The following OPRL1 variants were observed in gnomAD, a reference collection of about 807,000 sequenced individuals.
OPRL1 encodes opioid related nociceptin receptor 1.
In OPRL1, 5 loss-of-function variants were observed where a neutral mutation model predicts 15.5. The ratio of observed to expected loss-of-function variants is 0.32; its 90% CI spans 0.17 to 0.68. The LOEUF (loss-of-function observed/expected upper bound fraction) is 0.68. Among genes scored for constraint, OPRL1 ranks in the 30% least tolerant of loss-of-function variants. The pLI, the probability that OPRL1 is intolerant of heterozygous loss-of-function variation, is 0.72. For synonymous variants in OPRL1, 223 were observed against 230.2 expected (o/e 0.97, Z 0.28); for missense variants, 406 against 515.3 (o/e 0.79, Z 2.05).
chr20:64,092,590 G>A (rs2145599848), intron 2 of OPRL1, 98 bp from the exon 3 acceptor site: 1 of 851,266 alleles, frequency 1.2e-6, no homozygotes, highest in African/African-American at 1.7e-5. Flanking sequence ...CCCAGCGTGG[G>A]GGTCCATGTG....
At chr20:64,082,052 C>G (rs1331630593) in intron 1 of OPRL1, among the ~76,000 whole-genome samples, 1 of 152,206 alleles carries the variant, frequency 6.6e-6, no homozygotes, top group Non-Finnish European at 1.5e-5. Flanking sequence ...AGTAGATGAA[C>G]TCATTCTAGG....
rs2060086291 is a variant in OPRL1, at chr20:64,088,736, G to GAGGCCAGGATCT, written c.-184-3230_-184-3229insAGGCCAGGATCT. The stretch of plus-strand genomic sequence containing the variant: ...CAGAGTGGCCAGGATCTGTGCAAGG[G>GAGGCCAGGATCT]GTAGGATCTGTGCAGAGTGGCCAGG... On this transcript the variant is annotated intron_variant, in intron 1 of 4. Coordinates refer to ENST00000336866, the MANE Select transcript of OPRL1 (RefSeq NM_182647.4). Among the ~76,000 whole-genome samples, 18 of 8,656 alleles carry GAGGCCAGGATCT rather than the reference G, an allele frequency of 2.1e-3. 2 individuals carry two copies. The highest frequency in any genetic ancestry group is 3.5e-3 in the South Asian group (1 of 284). The allele number at this position is 8,656 out of a possible 152,430, so 5.7% of individuals were successfully genotyped here.
At chr20:64,084,030 G>C (rs2060009106) in intron 1 of OPRL1, 1 of 1,503,864 alleles carries the variant, frequency 6.6e-7, no homozygotes, top group African/African-American at 1.4e-5. Context: ...TCGCCGAAGA[G>C]CAGATGGCGG....
Position 64,083,293 on chromosome 20 carries a change from G to A in OPRL1, c.-185+2941G>A. On this transcript the variant is annotated intron_variant, in intron 1 of 4. Coordinates refer to ENST00000336866, the MANE Select transcript of OPRL1 (RefSeq NM_182647.4). The surrounding 1 kb of genome is among the most constrained non-coding windows in gnomAD (Gnocchi z 4.9). ...CCCCACTCTCTGTACCCTGATGTCT[G>A]TGAGGTGCATGGGAGAGGCAGCGTC... The A allele has an allele frequency of 8.1e-7, 1 of 1,239,490 alleles. No individual in the cohort carries two copies. The highest frequency in any genetic ancestry group is 1.1e-6 in the Non-Finnish European group (1 of 880,846). 76.8% of individuals were successfully genotyped at this position (1,239,490 alleles called of 1,614,324 possible).
Position 64,083,177 on chromosome 20 carries a change from T to TG in OPRL1, c.-185+2831dup, listed in dbSNP as rs2059987504. ...GACCCACAGAACGCCAGGTTGCCAG[T>TG]GGGGGGCAGATCGGGATTAGGGGTA... On this transcript the variant is annotated intron_variant, in intron 1 of 4. Transcript: ENST00000336866. This position sits in a 1 kb window ranked among gnomAD's most constrained non-coding sequence, Gnocchi z 4.9. 6.6e-6 allele frequency among the ~76,000 whole-genome samples: 1 copy of TG among 152,144 alleles called. No homozygotes were observed. Among genetic ancestry groups the TG allele is most frequent in the East Asian group, 1.9e-4 (1 of 5,190 alleles).
rs774220798 is a variant in OPRL1 at position 64,083,922 on chromosome 20, G to A, written c.-185+3570G>A. 6.9e-7 allele frequency: 1 copy of A among 1,452,768 alleles called. No homozygotes were observed. Among genetic ancestry groups the A allele is most frequent in the South Asian group, 1.3e-5 (1 of 75,404 alleles). The allele number at this position is 1,452,768 out of a possible 1,614,324, so 90.0% of individuals were successfully genotyped here. ...TTCTGGCGCTCGGCGGGCAGCTCGA[G>A]CGACTGCGTCCACGGGCGCGGGTCG... On this transcript the variant is annotated intron_variant, in intron 1 of 4. Transcript: ENST00000336866. This position sits in a 1 kb window ranked among gnomAD's most constrained non-coding sequence, Gnocchi z 4.9.
chr20:64,082,575 C>G (rs4519591), intron 1 of OPRL1, among the ~76,000 whole-genome samples: 1 of 151,998 alleles, frequency 6.6e-6, no homozygotes, highest in Admixed American at 6.5e-5. Flanking sequence ...TGAGTTCCTG[C>G]GGTCCCGCTT....
chr20:64,085,302 AG>A (rs915957686), intron 1 of OPRL1, among the ~76,000 whole-genome samples: 3 of 152,136 alleles, frequency 2.0e-5, no homozygotes, highest in African/African-American at 7.2e-5. Flanking sequence ...TCTGATGGCC[AG>A]GGGGCTCTGG....
At chr20:64,084,868 G>C (rs954272488) in intron 1 of OPRL1, 18 of 152,256 alleles carry the variant, frequency 1.2e-4, no homozygotes, top group African/African-American at 4.1e-4. Context: ...CCCCTCCTTA[G>C]CTCCTGCAGC....
chr20:64,098,804 G>C lies in OPRL1; in HGVS notation c.*5G>C. The C allele has an allele frequency of 6.3e-7, 1 of 1,581,372 alleles. No homozygotes were observed. Among genetic ancestry groups the C allele is most frequent in the Non-Finnish European group, 8.6e-7 (1 of 1,169,584 alleles). On this transcript the variant is annotated 3_prime_UTR_variant, in exon 5 of 5. Coordinates refer to ENST00000336866, the MANE Select transcript of OPRL1 (RefSeq NM_182647.4). ...ACGGTACCGCGGCCCGCATGACTAG[G>C]CGTGGACCTGCCCATGGTGCCTGTC...
intron 1 of OPRL1, among the ~76,000 whole-genome samples, chr20:64,081,628 C>A (rs979940401): frequency 6.6e-6 from 1 of 152,198 alleles, no homozygotes; most frequent in African/African-American, 2.4e-5. Flanking sequence ...CAGTTGATGG[C>A]GGAGCTGGGA....
chr20:64,092,804 C>A lies in OPRL1; in HGVS notation c.84C>A (p.Asn28Lys). The A allele has an allele frequency of 6.2e-7, 1 of 1,612,796 alleles. No homozygotes were observed. The stretch of plus-strand genomic sequence containing the variant: ...GCAACCTGTCCCTCCTGAGCCCCAA[C>A]CACAGTCTGCTGCCCCCGCATCTGC... ...LQGNLSLLSPNHSLLPPHLLL... is the reference protein window; with the variant it reads ...LQGNLSLLSPKHSLLPPHLLL... The change falls in exon 3 of 5, where the codon AAC (asparagine) becomes AAA (lysine). Residue 28 changes from asparagine to lysine, a missense_variant. Physicochemically the swap from Asn to Lys is moderately conservative, Grantham distance 94. Transcript: ENST00000336866.
intron 3 of OPRL1, among the ~76,000 whole-genome samples, chr20:64,096,735 TATC>T (rs1437591422): frequency 3.8e-5 from 5 of 132,386 alleles, no homozygotes; most frequent in African/African-American, 1.1e-4. Flanking sequence ...TCATCACCAC[TATC>T]ATCATCACCA....
chr20:64,091,459 G>A (rs1029993937), intron 1 of OPRL1, among the ~76,000 whole-genome samples: 1 of 152,248 alleles, frequency 6.6e-6, no homozygotes, highest in African/African-American at 2.4e-5. Context: ...GCAGTGGCCG[G>A]GTATGGTGGG....
intron 1 of OPRL1, chr20:64,084,133 C>A: frequency 1.2e-5 from 17 of 1,467,478 alleles, no homozygotes; most frequent in Non-Finnish European, 1.5e-5. Context: ...CCTTGGCACG[C>A]TCCTCACCCT....
Position 64,092,741 on chromosome 20 carries a change from G to C in OPRL1, c.21G>C (p.Ala7=), listed in dbSNP as rs774642693. 1.7e-5 allele frequency: 27 copies of C among 1,612,538 alleles called. No individual in the cohort carries two copies. The highest frequency in any genetic ancestry group is 1.1e-4 in the East Asian group (5 of 44,844). The change falls in exon 3 of 5, where the codon GCG becomes GCC. Residue 7 remains alanine, a synonymous_variant. Coordinates refer to ENST00000336866, the MANE Select transcript of OPRL1 (RefSeq NM_182647.4). MEPLFP[A]PFWEVIYGSH... ...GTGGCATGGAGCCCCTCTTCCCCGCGCCGTTCTGGGAGGTTATCTACGGCA... is the reference window on the plus strand; with the variant it reads ...GTGGCATGGAGCCCCTCTTCCCCGCCCCGTTCTGGGAGGTTATCTACGGCA...
Position 64,092,071 on chromosome 20 carries a change from G to T in OPRL1, c.-79G>T. ...TGTGCTCGACTGCCAGCCGGCTGAG[G>T]GCGGGGGTCTCCACGGTGGTCCCAG... On this transcript the variant is annotated 5_prime_UTR_variant, in exon 2 of 5. Transcript: ENST00000336866. 6.5e-6 allele frequency: 1 copy of T among 153,646 alleles called. No homozygotes were observed. Among genetic ancestry groups the T allele is most frequent in the East Asian group, 1.9e-4 (1 of 5,210 alleles). The allele number at this position is 153,646 out of a possible 1,614,324, so 9.5% of individuals were successfully genotyped here. A position where few individuals can be genotyped will look rare whatever the true frequency, so the allele number is the denominator to read the frequency against.
chr20:64,088,738 T>TGGCC (rs1569271930), intron 1 of OPRL1, among the ~76,000 whole-genome samples: 1 of 8,694 alleles, frequency 1.2e-4, no homozygotes. Context: ...GTGCAAGGGG[T>TGGCC]AGGATCTGTG....
At chr20:64,084,454 CAACT>C in intron 1 of OPRL1, 1 of 1,076,636 alleles carries the variant, frequency 9.3e-7, no homozygotes, top group Non-Finnish European at 1.2e-6. Flanking sequence ...GTCCTGCAGT[CAACT>C]AGGACTTTCT....
Sources: gnomAD v4.1 joint callset for allele counts (sites outside exome capture counted in the v4.1 genomes callset) on GRCh38, gnomAD v4.1.1 for gene constraint, Gnocchi (gnomAD v3.1) non-coding constraint, MANE v1.5 for transcripts, NCBI Gene and HGNC (gene_info 2026-07-23, HGNC 2026-07-21) for gene names.